Variants in CSMD3 observed in about 807,000 individuals in gnomAD.
CSMD3 encodes CUB and sushi domain-containing protein 3.
Under a neutral mutation model 435.2 loss-of-function variants are expected in CSMD3, and 177 were observed. The ratio of observed to expected loss-of-function variants is 0.41; its 90% confidence interval spans 0.36 to 0.46. CSMD3 has a LOEUF of 0.46. Among genes scored for constraint, CSMD3 ranks in the 20% least tolerant of loss-of-function variants. The pLI is 0.34. For synonymous variants in CSMD3, 1,656 were observed against 1,520.5 expected (o/e 1.09, Z -2.07); for missense variants, 4,265 against 4,504.6 (o/e 0.95, Z 1.52).
intron 45 of CSMD3, among the ~76,000 whole-genome samples, chr8:112,324,007 C>A (rs1823256880): frequency 6.6e-6 from 1 of 152,032 alleles, no homozygotes; most frequent in Non-Finnish European, 1.5e-5. Context: ...CATTGTCTCC[C>A]CGATTTATAG....
intron 2 of CSMD3, among the ~76,000 whole-genome samples, chr8:113,305,365 C>T (rs1056232514): frequency 6.6e-6 from 1 of 152,092 alleles, no homozygotes; most frequent in Non-Finnish European, 1.5e-5. Flanking sequence ...TTTCACTTTA[C>T]TAAATATTTT....
intron 22 of CSMD3, among the ~76,000 whole-genome samples, chr8:112,616,277 T>C (rs1833654390): frequency 6.6e-6 from 1 of 152,128 alleles, no homozygotes; most frequent in South Asian, 2.1e-4. Flanking sequence ...ATTATATCTA[T>C]TATTATCTCA....
At chr8:112,865,684 CCCCACACACACACACACACA>C (rs1452629405) in intron 10 of CSMD3, among the ~76,000 whole-genome samples, 7 of 136,340 alleles carry the variant, frequency 5.1e-5, no homozygotes, top group Non-Finnish European at 1.1e-4. Flanking sequence ...CCTTTACATA[CCCCACACACACACACACACA>C]CACACACACA....
intron 3 of CSMD3, among the ~76,000 whole-genome samples, chr8:113,231,600 A>T (rs1347509930): frequency 2.6e-5 from 4 of 151,424 alleles, no homozygotes; most frequent in Non-Finnish European, 5.9e-5. Flanking sequence ...TTGTAGAGAA[A>T]TTTTCTTCAT....
chr8:112,725,326 A>G (rs113108187), intron 13 of CSMD3, among the ~76,000 whole-genome samples: 76 of 152,058 alleles, frequency 5.0e-4, no homozygotes, highest in Non-Finnish European at 8.5e-4. Flanking sequence ...TTTAGATAGA[A>G]GCATTGCGAC....
intron 23 of CSMD3, among the ~76,000 whole-genome samples, chr8:112,578,439 A>C (rs1208345937): frequency 6.6e-6 from 1 of 151,894 alleles, no homozygotes; most frequent in African/African-American, 2.4e-5. Flanking sequence ...GAAGGGTTTT[A>C]TGAGGCCTAA....
chr8:112,572,038 A>T lies in CSMD3; in HGVS notation c.4042+1463T>A, dbSNP rs1022386940. Among the ~76,000 whole-genome samples, 7 of 135,652 alleles carry T rather than the reference A, an allele frequency of 5.2e-5. No homozygotes were observed. In the East Asian group the frequency reaches 9.9e-4, roughly 19 times the overall value. 89.0% of individuals were successfully genotyped at this position (135,652 alleles called of 152,430 possible). On this transcript the variant is annotated intron_variant, in intron 24 of 70. Transcript: ENST00000297405. Reference sequence around the variant, plus strand: ...GAAAGAGAAAGAGGACAGCATATTTAAAAAAAAAAAAGTTTGCCCATCTGA... The same window carrying T: ...GAAAGAGAAAGAGGACAGCATATTTTAAAAAAAAAAAGTTTGCCCATCTGA...
intron 52 of CSMD3, 98 bp downstream of exon 52, chr8:112,304,623 C>T: frequency 1.1e-6 from 1 of 898,588 alleles, no homozygotes; most frequent in Middle Eastern, 2.2e-4. Context: ...GTAATGTCAT[C>T]CAATTATTGA....
chr8:113,153,427 T>A (rs2091872097), intron 4 of CSMD3, among the ~76,000 whole-genome samples: 1 of 152,048 alleles, frequency 6.6e-6, no homozygotes, highest in Non-Finnish European at 1.5e-5. Context: ...AAACAATGAT[T>A]GCTTTGGAGT....
At chr8:113,262,689 C>A (rs2093437108) in intron 3 of CSMD3, among the ~76,000 whole-genome samples, 1 of 151,862 alleles carries the variant, frequency 6.6e-6, no homozygotes, top group Non-Finnish European at 1.5e-5. Flanking sequence ...CCAAAGGGAG[C>A]CTCTAAAACG....
At chr8:113,419,540 A>G (rs2094599596) in intron 1 of CSMD3, among the ~76,000 whole-genome samples, 1 of 152,134 alleles carries the variant, frequency 6.6e-6, no homozygotes, top group African/African-American at 2.4e-5. Flanking sequence ...GCAGATTTAG[A>G]AAGGGCTATT....
chr8:112,938,029 G>A (rs953687571), intron 9 of CSMD3, among the ~76,000 whole-genome samples: 1 of 152,152 alleles, frequency 6.6e-6, no homozygotes, highest in Non-Finnish European at 1.5e-5. Flanking sequence ...AACTAAAACA[G>A]TCGAGAAGCC....
Position 112,900,666 on chromosome 8 carries a change from A to G in CSMD3, c.1633+20961T>C, listed in dbSNP as rs139824442. ...TTGCAAGTATGGTAAAATATCAGAC[A>G]CTTTATAGTCCATAACAAATTTGTT... On this transcript the variant is annotated intron_variant, in intron 10 of 70. Transcript: ENST00000297405. Among the ~76,000 whole-genome samples, 85 of 151,376 alleles carry G rather than the reference A, an allele frequency of 5.6e-4. 1 individual carries two copies. Among genetic ancestry groups the G allele is most frequent in the Non-Finnish European group, 1.0e-3 (70 of 67,518 alleles).
rs769777571 is a variant in CSMD3, at chr8:112,287,090, C to T, written c.9305G>A (p.Trp3102Ter). The T allele has an allele frequency of 3.1e-6, 5 of 1,613,636 alleles. No homozygotes were observed. The highest frequency in any genetic ancestry group is 8.5e-7 in the Non-Finnish European group (1 of 1,179,746). The change falls in exon 58 of 71, where the codon TGG becomes TAG. Residue 3102 changes from tryptophan (W) to a stop codon, truncating the protein, a stop_gained. Coordinates refer to ENST00000297405, the MANE Select transcript of CSMD3 (RefSeq NM_198123.2). LOFTEE classifies it high-confidence loss of function. ...TTTGCACTCTGGCTGCCTTCCGGTC[C>T]AACTGCCATTAGCTAAACATGTTCT... ...EERTCLANGS[W>*]TGRQPECKAV...
chr8:112,458,719 A>G (rs1388959), intron 32 of CSMD3, among the ~76,000 whole-genome samples: 73,616 of 151,764 alleles, frequency 0.49, 18,716 homozygotes, highest in Middle Eastern at 0.65. Flanking sequence ...TGAGTGGAAA[A>G]CAATGTGAAC....
At chr8:113,160,232 T>A (rs1235107871) in intron 4 of CSMD3, among the ~76,000 whole-genome samples, 1 of 151,942 alleles carries the variant, frequency 6.6e-6, no homozygotes. Flanking sequence ...TAATTCATAT[T>A]ATAATAACAA....
intron 22 of CSMD3, among the ~76,000 whole-genome samples, chr8:112,593,761 T>C (rs895428642): frequency 1.3e-5 from 2 of 152,086 alleles, no homozygotes; most frequent in Non-Finnish European, 2.9e-5. Context: ...AGAAAATAAT[T>C]GTCATCAGTG....
intron 3 of CSMD3, among the ~76,000 whole-genome samples, chr8:113,229,066 T>C (rs953820777): frequency 1.3e-5 from 2 of 151,754 alleles, no homozygotes; most frequent in Non-Finnish European, 1.5e-5. Flanking sequence ...TAGTCTTGCA[T>C]GGGGTATCTT....
At chr8:112,598,848 C>T (rs1447323161) in intron 22 of CSMD3, among the ~76,000 whole-genome samples, 2 of 152,218 alleles carry the variant, frequency 1.3e-5, no homozygotes, top group Non-Finnish European at 2.9e-5. Flanking sequence ...CCCCTCCTTA[C>T]ACCTTATACA....
Sources: gnomAD v4.1 joint callset for allele counts (sites outside exome capture counted in the v4.1 genomes callset) on GRCh38, gnomAD v4.1.1 for gene constraint, MANE v1.5 for transcripts, NCBI Gene and HGNC (gene_info 2026-07-23, HGNC 2026-07-21) for gene names.